The following NCBP2L variants were observed in gnomAD, a reference collection of about 807,000 sequenced individuals.
NCBP2L encodes nuclear cap binding protein subunit 2 like, also known as nuclear cap-binding protein subunit 2-like.
For missense variants in NCBP2L, 95 were observed against 53.1 expected (o/e 1.79, Z -2.45); for synonymous variants, 39 against 19.2 (o/e 2.04, Z -2.70).
At chrX:107,793,016 C>T (rs1401199390) in intron 1 of NCBP2L, among the ~76,000 whole-genome samples, 2 of 112,201 alleles carry the variant, frequency 1.8e-5, no homozygotes, top group African/African-American at 3.2e-5. Context: ...CTAAGGTGTA[C>T]AAGGCATTGT....
intron 1 of NCBP2L, among the ~76,000 whole-genome samples, chrX:107,793,531 A>C (rs1930478871): frequency 8.9e-6 from 1 of 112,285 alleles, no homozygotes; most frequent in Admixed American, 9.5e-5. Flanking sequence ...AAGGTTAATT[A>C]CTATTTACCT....
chrX:107,781,692 CTA>C (rs1212780432), intron 1 of NCBP2L, among the ~76,000 whole-genome samples: 22 of 66,913 alleles, frequency 3.3e-4, no homozygotes, highest in Non-Finnish European at 4.8e-4. Context: ...CTCTCTCTCT[CTA>C]TATATATATA....
chrX:107,792,375 G>A (rs1930464911), intron 1 of NCBP2L, among the ~76,000 whole-genome samples: 1 of 110,312 alleles, frequency 9.1e-6, no homozygotes, highest in African/African-American at 3.3e-5. Context: ...AGTCTAGGAG[G>A]GATATTTGTT....
chrX:107,783,386 T>C lies in NCBP2L; in HGVS notation c.-73+5528T>C, dbSNP rs1930354288. Among the ~76,000 whole-genome samples, 5 of 100,530 alleles carry C rather than the reference T, an allele frequency of 5.0e-5. 1 individual carries two copies. The South Asian group carries it at 2.2e-3, about 45-fold the overall frequency. The allele number at this position is 100,530 out of a possible 115,157, so 87.3% of individuals were successfully genotyped here. A position where few individuals can be genotyped will look rare whatever the true frequency, so the allele number is the denominator to read the frequency against. On this transcript the variant is annotated intron_variant, in intron 1 of 1. Transcript: ENST00000509000. ...TTTTTTTTTTTTTTTTTTTATTTTT[T>C]ATTTTAGAGGGAGTCTCACTCTGTC... is the stretch of plus-strand genomic sequence containing the variant.
chrX:107,780,076 G>T (rs1282378340), intron 1 of NCBP2L, among the ~76,000 whole-genome samples: 1 of 111,192 alleles, frequency 9.0e-6, no homozygotes, highest in East Asian at 2.9e-4. Context: ...CTGTTCTAAG[G>T]CCAGGTGCTG....
At position 107,794,657 on chromosome X, in the gene NCBP2L, GCT is replaced by G. The variant is rs1480555467; in HGVS notation, c.438_439del (p.Phe147TrpfsTer16). Reference sequence around the variant, plus strand: ...GAAGATTTTCATTCTGGTAGAGGAGGCTTTGGAAGACAGACTCAGATCTAGAA... The same window carrying G: ...GAAGATTTTCATTCTGGTAGAGGAGGTTGGAAGACAGACTCAGATCTAGAA... On this transcript the variant is annotated frameshift_variant, in exon 2 of 2. Coordinates refer to ENST00000509000, the MANE Select transcript of NCBP2L (RefSeq NM_001348372.2). LOFTEE classifies it low-confidence loss of function (END_TRUNC). 7.1e-6 allele frequency: 4 copies of G among 567,059 alleles called. No homozygotes were observed. Among genetic ancestry groups the G allele is most frequent in the African/African-American group, 2.2e-5 (1 of 44,534 alleles). The allele number at this position is 567,059 out of a possible 1,213,427, so 46.7% of individuals were successfully genotyped here. A position where few individuals can be genotyped will look rare whatever the true frequency, so the allele number is the denominator to read the frequency against.
At position 107,794,530 on chromosome X, in the gene NCBP2L, C is replaced by T. The variant is rs753429224; in HGVS notation, c.310C>T (p.Leu104=). 2.8e-5 allele frequency: 16 copies of T among 568,146 alleles called. No individual in the cohort carries two copies. In the Admixed American group the frequency reaches 3.3e-4, roughly 12 times the overall value. The allele number at this position is 568,146 out of a possible 1,213,427, so 46.8% of individuals were successfully genotyped here. A position where few individuals can be genotyped will look rare whatever the true frequency, so the allele number is the denominator to read the frequency against. ...NAMRFLTGTC[L]DEWIICTDWD... is the part of the protein sequence containing the mutation. Reference sequence around the variant, plus strand: ...CATGCGGTTTCTAACTGGGACCTGCCTAGATGAATGGATTATCTGCACTGA... The same window carrying T: ...CATGCGGTTTCTAACTGGGACCTGCTTAGATGAATGGATTATCTGCACTGA... Residue 104 remains leucine, a synonymous_variant, in exon 2 of 2, where the codon CTA becomes TTA. Transcript: ENST00000509000.
At chrX:107,782,182 AATATATATATATAAAT>A (rs1930303044) in intron 1 of NCBP2L, among the ~76,000 whole-genome samples, 7 of 24,817 alleles carry the variant, frequency 2.8e-4, no homozygotes, top group Non-Finnish European at 3.5e-4. Flanking sequence ...TATATATATA[AATATATATATATAAAT>A]ATATATATAT....
At chrX:107,783,882 G>A (rs993072274) in intron 1 of NCBP2L, among the ~76,000 whole-genome samples, 1 of 107,339 alleles carries the variant, frequency 9.3e-6, no homozygotes, top group Non-Finnish European at 1.9e-5. Flanking sequence ...GTGTGTGTGT[G>A]TGTGTGTGTC....
intron 1 of NCBP2L, 140 bp downstream of exon 1, chrX:107,777,998 TTTC>T (rs1482630552): frequency 1.3e-3 from 136 of 101,004 alleles, no homozygotes; most frequent in African/African-American, 5.3e-3. Flanking sequence ...AATTTCCCTT[TTTC>T]TTCTTCTTCG....
At chrX:107,792,054 T>C (rs994038665) in intron 1 of NCBP2L, among the ~76,000 whole-genome samples, 2 of 112,388 alleles carry the variant, frequency 1.8e-5, no homozygotes, top group Admixed American at 1.9e-4. Context: ...AGCTCTTGTT[T>C]GTAGTGAGCC....
chrX:107,782,245 AT>A (rs1189273914), intron 1 of NCBP2L, among the ~76,000 whole-genome samples: 16 of 19,745 alleles, frequency 8.1e-4, no homozygotes, highest in East Asian at 1.4e-3. Context: ...AAATATATAT[AT>A]ATAAATATAT....
chrX:107,783,858 ATGTG>A (rs756413239), intron 1 of NCBP2L, among the ~76,000 whole-genome samples: 262 of 96,921 alleles, frequency 2.7e-3, no homozygotes, highest in Non-Finnish European at 3.9e-3. Flanking sequence ...TGGTGTGCGT[ATGTG>A]TGTGTGTGTG....
At chrX:107,778,763 A>G (rs1045986620) in intron 1 of NCBP2L, among the ~76,000 whole-genome samples, 1 of 112,801 alleles carries the variant, frequency 8.9e-6, no homozygotes, top group African/African-American at 3.2e-5. Context: ...GGATGAACTC[A>G]TTCAACAGTC....
rs1359013469 is a variant in NCBP2L at position 107,795,748 on chromosome X, G to A, written c.*1066G>A. ...CCCCATCATAAGTCAATGAGCATCTGTACTTACTTTCTTTACTGTTACATA... is the reference window on the plus strand; with the variant it reads ...CCCCATCATAAGTCAATGAGCATCTATACTTACTTTCTTTACTGTTACATA... On this transcript the variant is annotated 3_prime_UTR_variant, in exon 2 of 2. Coordinates refer to ENST00000509000, the MANE Select transcript of NCBP2L (RefSeq NM_001348372.2). The A allele has an allele frequency of 1.8e-5, 2 of 111,769 alleles. No individual in the cohort carries two copies. The highest frequency in any genetic ancestry group is 5.5e-4 in the East Asian group (2 of 3,608). The allele number at this position is 111,769 out of a possible 1,213,427, so 9.2% of individuals were successfully genotyped here.
chrX:107,788,702 G>A (rs1043629145), intron 1 of NCBP2L, among the ~76,000 whole-genome samples: 2 of 112,059 alleles, frequency 1.8e-5, no homozygotes, highest in African/African-American at 3.3e-5. Context: ...TTAAAAAAGA[G>A]TAACTCACTT....
In NCBP2L at chrX:107,782,288, T is replaced by A. The variant is rs58233450; in HGVS notation, c.-73+4430T>A. ...ATATATATATATAAATATATATAAATATATATATATAAATATATATATAAA... is the reference window on the plus strand; with the variant it reads ...ATATATATATATAAATATATATAAAAATATATATATAAATATATATATAAA... On this transcript the variant is annotated intron_variant, in intron 1 of 1. Coordinates refer to ENST00000509000, the MANE Select transcript of NCBP2L (RefSeq NM_001348372.2). 3.7e-4 allele frequency among the ~76,000 whole-genome samples: 10 copies of A among 27,335 alleles called. 1 individual carries two copies. Among genetic ancestry groups the A allele is most frequent in the African/African-American group, 3.3e-3 (7 of 2,127 alleles). 23.7% of individuals were successfully genotyped at this position (27,335 alleles called of 115,157 possible).
Position 107,788,271 on chromosome X carries a change from A to G in NCBP2L, c.-72-5878A>G, listed in dbSNP as rs1200760729. Among the ~76,000 whole-genome samples, 4 of 112,202 alleles carry G rather than the reference A, an allele frequency of 3.6e-5. No homozygotes were observed. The East Asian group carries it at 8.3e-4, about 23-fold the overall frequency. ...GACCCTTCTAACACCTTTAGCAGGTAGGTGTTCATTGCAGCCTCCACATGA... is the reference window on the plus strand; with the variant it reads ...GACCCTTCTAACACCTTTAGCAGGTGGGTGTTCATTGCAGCCTCCACATGA... On this transcript the variant is annotated intron_variant, in intron 1 of 1. Transcript: ENST00000509000.
rs771640177 is a variant in NCBP2L, at chrX:107,794,649, T to C, written c.429T>C (p.Gly143=). The C allele has an allele frequency of 1.1e-5, 6 of 567,376 alleles. No individual in the cohort carries two copies. The highest frequency in any genetic ancestry group is 1.9e-5 in the Non-Finnish European group (6 of 308,808). The allele number at this position is 567,376 out of a possible 1,213,427, so 46.8% of individuals were successfully genotyped here. Residue 143 remains glycine, a synonymous_variant, in exon 2 of 2, where the codon GGT becomes GGC. Transcript: ENST00000509000. ...AGTTTCGTGAAGATTTTCATTCTGG[T>C]AGAGGAGGCTTTGGAAGACAGACTC... ...RDEFREDFHS[G]RGGFGRQTQI is the part of the protein sequence containing the mutation.
Sources: gnomAD v4.1 joint callset for allele counts (sites outside exome capture counted in the v4.1 genomes callset) on GRCh38, gnomAD v4.1.1 for gene constraint, MANE v1.5 for transcripts, NCBI Gene and HGNC (gene_info 2026-07-23, HGNC 2026-07-21) for gene names.